The following DAP variants were observed in gnomAD, a reference collection of about 807,000 sequenced individuals.
DAP encodes death associated protein, also known as death-associated protein 1.
A neutral mutation model predicts 13.8 loss-of-function variants in DAP; 8 were observed. The observed-to-expected ratio is 0.58, with a 90% confidence interval of 0.34 to 1.05. The LOEUF is 1.05. Ranked by LOEUF, DAP falls within the 50% of genes least tolerant of loss-of-function variation. The pLI is 0.03. For synonymous variants in DAP, 47 were observed against 47.5 expected, an observed-to-expected ratio of 0.99 and a Z score of 0.04; for missense variants, 106 against 133.2, an observed-to-expected ratio of 0.80 and a Z score of 1.01.
At chr5:10,747,067 C>T (rs1330524604) in intron 2 of DAP, among the ~76,000 whole-genome samples, 1 of 152,204 alleles carries the variant, frequency 6.6e-6, no homozygotes, top group Non-Finnish European at 1.5e-5. Flanking sequence ...CTATTCAGGA[C>T]TGCTGGAATG....
At chr5:10,693,335 T>C (rs1228094319) in intron 2 of DAP, among the ~76,000 whole-genome samples, 1 of 152,250 alleles carries the variant, frequency 6.6e-6, no homozygotes, top group Middle Eastern at 3.2e-3. Context: ...CTCCTTTTCA[T>C]GTAAATGTAC....
intron 2 of DAP, among the ~76,000 whole-genome samples, chr5:10,736,895 C>T (rs1030399792): frequency 4.6e-5 from 7 of 152,248 alleles, no homozygotes; most frequent in Non-Finnish European, 8.8e-5. Flanking sequence ...CAACCAGTTA[C>T]CCCCTCAAAC....
rs1196596785 is a variant in DAP, at chr5:10,721,175, C to T, written c.152+27000G>A. Among the ~76,000 whole-genome samples, 3 of 152,164 alleles carry T rather than the reference C, an allele frequency of 2.0e-5. No homozygotes were observed. In the East Asian group the frequency reaches 5.8e-4, roughly 29 times the overall value. ...AAGGCTGTGTATGCTCTCAGTCAGC[C>T]TCCAATATATGTTACTGTTTCTCCC... On this transcript the variant is annotated intron_variant, in intron 2 of 3. Coordinates refer to ENST00000230895, the MANE Select transcript of DAP (RefSeq NM_004394.3).
intron 1 of DAP, among the ~76,000 whole-genome samples, chr5:10,752,518 T>C (rs954395418): frequency 3.9e-5 from 6 of 152,226 alleles, no homozygotes; most frequent in African/African-American, 1.4e-4. Context: ...GTCGTGGTGG[T>C]TGTTATTCAA....
rs563791968 is a variant in DAP at position 10,708,570 on chromosome 5, C to T, written c.153-24999G>A. ...TCCCATCCCTGCTGATCTCCATCCA[C>T]TCAACTGACTTCATGACCCACCAAC... On this transcript the variant is annotated intron_variant, in intron 2 of 3. Transcript: ENST00000230895. Among the ~76,000 whole-genome samples, 6 of 152,326 alleles carry T rather than the reference C, an allele frequency of 3.9e-5. No individual in the cohort carries two copies. The South Asian group carries it at 1.2e-3, about 32-fold the overall frequency.
At chr5:10,757,118 A>G (rs184685805) in intron 1 of DAP, among the ~76,000 whole-genome samples, 13 of 152,256 alleles carry the variant, frequency 8.5e-5, no homozygotes, top group Admixed American at 3.9e-4. Flanking sequence ...GCCTTTACAA[A>G]CTGCCTCATT....
At chr5:10,714,270 G>A (rs1466951235) in intron 2 of DAP, among the ~76,000 whole-genome samples, 5 of 152,126 alleles carry the variant, frequency 3.3e-5, no homozygotes, top group South Asian at 2.1e-4. Context: ...ATATTTAGCC[G>A]GCCTTCTCAG....
At chr5:10,714,005 A>G (rs2964807) in intron 2 of DAP, among the ~76,000 whole-genome samples, 35,386 of 152,220 alleles carry the variant, frequency 0.23, 4,328 homozygotes, top group Middle Eastern at 0.35. Context: ...TTCTTTCCAC[A>G]TGGAAAGGGC....
rs974847933 is a variant in DAP, at chr5:10,703,421, G to A, written c.153-19850C>T. 1.1e-4 allele frequency among the ~76,000 whole-genome samples: 16 copies of A among 152,192 alleles called. No homozygotes were observed. In the South Asian group the frequency reaches 1.7e-3, roughly 16 times the overall value. ...GTGCACAGGCAGGGGGGGTGTCACC[G>A]ACTCGCATGTGGGCAGGTCTTTGCT... On this transcript the variant is annotated intron_variant, in intron 2 of 3. Transcript: ENST00000230895.
chr5:10,752,995 T>C (rs141516245), intron 1 of DAP, among the ~76,000 whole-genome samples: 9 of 152,344 alleles, frequency 5.9e-5, no homozygotes, highest in African/African-American at 1.4e-4. Context: ...CAGCAGTTCC[T>C]TAAAGAGCGC....
At chr5:10,712,966 T>C (rs944562399) in intron 2 of DAP, among the ~76,000 whole-genome samples, 2 of 152,180 alleles carry the variant, frequency 1.3e-5, no homozygotes, top group African/African-American at 4.8e-5. Flanking sequence ...CCAAGGCATC[T>C]ACTCATTAGT....
chr5:10,736,277 T>C lies in DAP; in HGVS notation c.152+11898A>G, dbSNP rs371171314. Among the ~76,000 whole-genome samples the C allele has an allele frequency of 2.0e-4, 31 of 152,328 alleles. 1 individual carries two copies. The South Asian group carries it at 4.1e-3, about 20-fold the overall frequency. On this transcript the variant is annotated intron_variant, in intron 2 of 3. Coordinates refer to ENST00000230895, the MANE Select transcript of DAP (RefSeq NM_004394.3). ...CCACCCAGTTTGTGCAACTGTGTTA[T>C]GGGAGCACTAGGAAAACTAATGTGC...
intron 2 of DAP, among the ~76,000 whole-genome samples, chr5:10,742,392 T>C (rs778043970): frequency 5.3e-5 from 8 of 152,124 alleles, no homozygotes; most frequent in Non-Finnish European, 5.9e-5. Context: ...CCAGACGTGG[T>C]GGCAGGTGCC....
intron 2 of DAP, among the ~76,000 whole-genome samples, chr5:10,708,469 A>T (rs1738759259): frequency 6.6e-6 from 1 of 150,716 alleles, no homozygotes; most frequent in Non-Finnish European, 1.5e-5. Context: ...ACACACGCAC[A>T]TATCTCCCTA....
chr5:10,729,193 C>A (rs1036755856), intron 2 of DAP, among the ~76,000 whole-genome samples: 1 of 152,150 alleles, frequency 6.6e-6, no homozygotes, highest in African/African-American at 2.4e-5. Flanking sequence ...CCAGGTATAG[C>A]TGAAAGTTAA....
At chr5:10,739,301 G>A (rs1243622622) in intron 2 of DAP, among the ~76,000 whole-genome samples, 3 of 148,978 alleles carry the variant, frequency 2.0e-5, no homozygotes, top group Non-Finnish European at 3.0e-5. Context: ...GGGTAGATGG[G>A]ATTTTTTTAG....
chr5:10,732,954 T>C (rs1199879197), intron 2 of DAP, among the ~76,000 whole-genome samples: 2 of 152,320 alleles, frequency 1.3e-5, no homozygotes, highest in East Asian at 1.9e-4. Flanking sequence ...CTAATCCACA[T>C]TTCCCTTTCC....
intron 1 of DAP, among the ~76,000 whole-genome samples, chr5:10,760,707 A>G (rs1740320979): frequency 6.6e-6 from 1 of 152,240 alleles, no homozygotes; most frequent in Non-Finnish European, 1.5e-5. Flanking sequence ...ACTTTGTTAT[A>G]AGTTGTGCAA....
chr5:10,713,997 C>T (rs1270174257), intron 2 of DAP, among the ~76,000 whole-genome samples: 2 of 152,228 alleles, frequency 1.3e-5, no homozygotes, highest in Non-Finnish European at 1.5e-5. Flanking sequence ...GCCGTGGGTT[C>T]TTTCCACATG....
Sources: gnomAD v4.1 joint callset for allele counts (sites outside exome capture counted in the v4.1 genomes callset) on GRCh38, gnomAD v4.1.1 for gene constraint, MANE v1.5 for transcripts, NCBI Gene and HGNC (gene_info 2026-07-23, HGNC 2026-07-21) for gene names.